Variants in ACOT11 observed in about 807,000 individuals in gnomAD.
The protein encoded by ACOT11 is acyl-CoA thioesterase 11, also known as acyl-coenzyme A thioesterase 11.
A neutral mutation model predicts 77.5 loss-of-function variants in ACOT11; 69 were observed. That is an observed-to-expected ratio of 0.89 (90% CI 0.73 to 1.09). ACOT11 has a LOEUF of 1.09. Among genes scored for constraint, ACOT11 ranks in the 50% least tolerant of loss-of-function variants. ACOT11 has a pLI of 0.00. For synonymous variants in ACOT11, 279 were observed against 313.0 expected, an observed-to-expected ratio of 0.89 and a Z score of 1.15; for missense variants, 766 against 813.7, an observed-to-expected ratio of 0.94 and a Z score of 0.71.
At chr1:54,612,870 T>C (rs1041464112), downstream of ACOT11, among the ~76,000 whole-genome samples, 1 of 152,050 alleles carries the variant, frequency 6.6e-6, no homozygotes, top group Admixed American at 6.6e-5. Context: ...TCAGGTCCCA[T>C]AAATTGGGCG....
chr1:54,563,030 C>T (rs558451092), intron 1 of ACOT11, among the ~76,000 whole-genome samples: 2 of 150,798 alleles, frequency 1.3e-5, no homozygotes, highest in East Asian at 3.9e-4. Flanking sequence ...GCTGCAATCT[C>T]GGCACTTTGG....
At chr1:54,554,351 ATTTTT>A (rs35047110) in intron 1 of ACOT11, among the ~76,000 whole-genome samples, 5,179 of 97,090 alleles carry the variant, frequency 0.053, 199 homozygotes, top group South Asian at 0.092. Context: ...ATATATATAT[ATTTTT>A]TTTTTTTTTT....
intron 1 of ACOT11, among the ~76,000 whole-genome samples, chr1:54,575,750 CG>C (rs1453365663): frequency 4.6e-5 from 7 of 152,186 alleles, no homozygotes; most frequent in African/African-American, 1.7e-4. Flanking sequence ...GTGAGGTACA[CG>C]GGTGCCCGGG....
intron 3 of ACOT11, among the ~76,000 whole-genome samples, chr1:54,592,331 T>C (rs1376505206): frequency 6.6e-6 from 1 of 152,210 alleles, no homozygotes. Context: ...ATGCTACTTC[T>C]CTCAGCCTCA....
In ACOT11 at chr1:54,607,020, C is replaced by G. The variant is rs1277720138; in HGVS notation, c.1371-114C>G. 1 of 1,441,606 alleles carries G rather than the reference C, an allele frequency of 6.9e-7. No homozygotes were observed. The highest frequency in any genetic ancestry group is 9.4e-7 in the Non-Finnish European group (1 of 1,061,848). 89.3% of individuals were successfully genotyped at this position (1,441,606 alleles called of 1,614,324 possible). ...CCTTGCTGAGCAGTACAGGGGGTGA[C>G]ATCCCATCACAGAAGCTGCTCAGGC... On this transcript the variant is annotated intron_variant, in intron 13 of 15. Transcript: ENST00000343744. This position sits in a 1 kb window ranked among gnomAD's most constrained non-coding sequence, Gnocchi z 4.5.
At chr1:54,597,002 C>T (rs1643894804) in intron 6 of ACOT11, among the ~76,000 whole-genome samples, 1 of 152,238 alleles carries the variant, frequency 6.6e-6, no homozygotes. Context: ...TGCCCAAGGC[C>T]ATACAGGCAG....
rs1204066639 is a variant in ACOT11, at chr1:54,609,013, G to A, written c.1686G>A (p.Val562=). Residue 562 remains valine (V), a synonymous_variant, in exon 16 of 16, where the codon GTG becomes GTA. Transcript: ENST00000343744. ...TTCTCAACTATGTGACCACCAACGT[G>A]GCCGGCCTCTCCTCTGAGTTCTACA... ...PGVLNYVTTN[V]AGLSSEFYTT... 3.7e-6 allele frequency: 6 copies of A among 1,607,652 alleles called. No individual in the cohort carries two copies. The Admixed American group carries it at 5.0e-5, about 14-fold the overall frequency.
At chr1:54,593,047 A>G (rs1203533907) in intron 4 of ACOT11, among the ~76,000 whole-genome samples, 1 of 152,176 alleles carries the variant, frequency 6.6e-6, no homozygotes, top group Non-Finnish European at 1.5e-5. Flanking sequence ...AAAAGGGAAC[A>G]TGATTCCTCT....
intron 15 of ACOT11, among the ~76,000 whole-genome samples, chr1:54,622,861 T>C (rs1569806821): frequency 1.3e-5 from 2 of 151,666 alleles, no homozygotes; most frequent in Admixed American, 1.3e-4. Flanking sequence ...GAATGAGGCT[T>C]GGTGGGGACG....
intron 15 of ACOT11, among the ~76,000 whole-genome samples, chr1:54,619,096 G>A (rs970287284): frequency 3.3e-5 from 5 of 152,230 alleles, no homozygotes; most frequent in Non-Finnish European, 7.3e-5. Flanking sequence ...TGCTTGAGCA[G>A]TGATTCTCAA....
chr1:54,564,065 CAA>C (rs1229856632), intron 1 of ACOT11, among the ~76,000 whole-genome samples: 16 of 120,336 alleles, frequency 1.3e-4, no homozygotes, highest in Admixed American at 2.5e-4. Flanking sequence ...AACTCCATCT[CAA>C]AAAAAAAAAA....
At chr1:54,594,481 G>A (rs1423474511) in intron 5 of ACOT11, 75 bp from the exon 6 acceptor site, 6 of 1,534,376 alleles carry the variant, frequency 3.9e-6, no homozygotes, top group Admixed American at 2.0e-5. Context: ...GCATGGCATG[G>A]TGCTGGGGAC....
At chr1:54,552,396 G>A (rs1200718374) in intron 1 of ACOT11, among the ~76,000 whole-genome samples, 1 of 152,174 alleles carries the variant, frequency 6.6e-6, no homozygotes, top group Admixed American at 6.5e-5. Flanking sequence ...TGGAGGAAGA[G>A]GTGAGACTTG....
chr1:54,617,404 CTA>C lies in ACOT11; in HGVS notation c.1629+9339_1629+9340del, dbSNP rs1368224792. Among the ~76,000 whole-genome samples, 15 of 149,896 alleles carry C rather than the reference CTA, an allele frequency of 1.0e-4. No individual in the cohort carries two copies. In the Admixed American group the frequency reaches 1.0e-3, roughly 10 times the overall value. ...CACTGCTTCCCTGCAAGTCTGTTCT[CTA>C]TAGAGCCGGCAAAGTGAGTGTCCTA... On this transcript the variant is annotated intron_variant, in intron 15 of 16. Coordinates refer to the ACOT11 transcript ENST00000371316.
In ACOT11 at chr1:54,604,421, A is replaced by T; in HGVS notation, c.1228A>T (p.Ile410Phe). ...AKDNWVLSSE[I>F]SQVRLYTLED... ...GGACAACTGGGTGCTGTCCTCGGAG[A>T]TCAGTCAGGTAGCTGACCCCACCCA... The change falls in exon 12 of 16, where the codon ATC becomes TTC. Residue 410 changes from isoleucine (I) to phenylalanine (F), a missense_variant. Transcript: ENST00000343744. 2 of 1,613,964 alleles carry T rather than the reference A, an allele frequency of 1.2e-6. No homozygotes were observed. Among genetic ancestry groups the T allele is most frequent in the Non-Finnish European group, 1.7e-6 (2 of 1,179,980 alleles).
intron 16 of ACOT11, among the ~76,000 whole-genome samples, chr1:54,631,914 C>G (rs1475088506): frequency 1.3e-5 from 2 of 152,194 alleles, no homozygotes; most frequent in Non-Finnish European, 2.9e-5. Flanking sequence ...TTTATTATAT[C>G]AAAGCCTATG....
At chr1:54,601,708 G>A (rs977018159) in intron 9 of ACOT11, among the ~76,000 whole-genome samples, 2 of 152,210 alleles carry the variant, frequency 1.3e-5, no homozygotes, top group African/African-American at 4.8e-5. Flanking sequence ...TTTGGAGTCA[G>A]ATGTGGGTTG....
chr1:54,588,537 A>T lies in ACOT11; in HGVS notation c.311+2633A>T, dbSNP rs1654586617. Among the ~76,000 whole-genome samples the T allele has an allele frequency of 2.6e-5, 4 of 152,240 alleles. 1 individual carries two copies. In the South Asian group the frequency reaches 8.3e-4, roughly 32 times the overall value. Reference sequence around the variant, plus strand: ...ATCTGGGCCCAGAGCCCTTGCTCTTAACCAATGGGCTGTATTTCCTGTATG... The same window carrying T: ...ATCTGGGCCCAGAGCCCTTGCTCTTTACCAATGGGCTGTATTTCCTGTATG... On this transcript the variant is annotated intron_variant, in intron 3 of 15. Coordinates refer to ENST00000343744, the MANE Select transcript of ACOT11 (RefSeq NM_147161.4).
intron 15 of ACOT11, chr1:54,623,188 A>T: frequency 1.3e-6 from 1 of 796,398 alleles, no homozygotes; most frequent in Non-Finnish European, 2.0e-6. Flanking sequence ...AAAAAAAAAA[A>T]GGGACTGGTC....
Sources: gnomAD v4.1 joint callset for allele counts (sites outside exome capture counted in the v4.1 genomes callset) on GRCh38, gnomAD v4.1.1 for gene constraint, Gnocchi (gnomAD v3.1) non-coding constraint, MANE v1.5 for transcripts, NCBI Gene and HGNC (gene_info 2026-07-23, HGNC 2026-07-21) for gene names.